Variants in CTNNA1 observed in about 807,000 individuals in gnomAD.
CTNNA1 encodes the protein catenin alpha-1.
In CTNNA1, 37 loss-of-function variants were observed where a neutral mutation model predicts 98.4. The ratio of observed to expected loss-of-function variants is 0.38; its 90% confidence interval spans 0.29 to 0.49. The LOEUF (loss-of-function observed/expected upper bound fraction) is 0.49. Ranked by LOEUF, CTNNA1 falls within the 20% of genes least tolerant of loss-of-function variation. The pLI, the probability that CTNNA1 is intolerant of heterozygous loss-of-function variation, is 0.95. For missense variants in CTNNA1, 761 were observed against 1,147.2 expected (o/e 0.66, Z 4.86); for synonymous variants, 404 against 413.2 (o/e 0.98, Z 0.27).
chr5:138,818,198 C>T (rs573065572), intron 5 of CTNNA1, among the ~76,000 whole-genome samples: 115 of 148,774 alleles, frequency 7.7e-4, no homozygotes, highest in African/African-American at 2.6e-3. Flanking sequence ...GGCATTTTCT[C>T]GGCAGTCTCA....
intron 16 of CTNNA1, chr5:138,932,058 C>T (rs1338833276): frequency 3.1e-6 from 3 of 982,446 alleles, no homozygotes; most frequent in African/African-American, 1.8e-5. Context: ...TTACTTTACT[C>T]ACTTGTCTTC....
intron 9 of CTNNA1, among the ~76,000 whole-genome samples, chr5:138,894,597 C>G (rs1465714647): frequency 2.0e-5 from 3 of 152,104 alleles, no homozygotes; most frequent in African/African-American, 4.8e-5. Context: ...GGCCACCTCC[C>G]TAGTCTGCAC....
intron 11 of CTNNA1, among the ~76,000 whole-genome samples, chr5:138,920,647 C>G (rs1242248657): frequency 1.3e-5 from 2 of 152,208 alleles, no homozygotes; most frequent in African/African-American, 4.8e-5. Flanking sequence ...CCCTTTGGTA[C>G]AGAGTGAGAG....
At chr5:138,759,859 A>G (rs945344321) in intron 1 of CTNNA1, among the ~76,000 whole-genome samples, 1 of 152,008 alleles carries the variant, frequency 6.6e-6, no homozygotes, top group Admixed American at 6.6e-5. Context: ...GCTTTCTTCA[A>G]CAGTCCCCAG....
chr5:138,783,206 AGGGCCC>A lies in CTNNA1; in HGVS notation c.136_141del (p.Gly46_Pro47del). On this transcript the variant is annotated inframe_deletion, in exon 3 of 18. Transcript: ENST00000302763. ...CAACCCTTGTAAACACCAATAGTAA[AGGGCCC>A]TCTAATAAGAAGAGAGGTCGTTCTA... 4 of 1,613,322 alleles carry A rather than the reference AGGGCCC, an allele frequency of 2.5e-6. No homozygotes were observed. Among genetic ancestry groups the A allele is most frequent in the Non-Finnish European group, 3.4e-6 (4 of 1,179,526 alleles).
At chr5:138,879,483 A>T (rs528683732) in intron 7 of CTNNA1, among the ~76,000 whole-genome samples, 14 of 150,574 alleles carry the variant, frequency 9.3e-5, no homozygotes, top group East Asian at 1.9e-4. Flanking sequence ...GTTTTTTTTT[A>T]AAAAGACAGT....
chr5:138,812,171 C>T lies in CTNNA1; in HGVS notation c.469-12C>T. On this transcript the variant is annotated splice_polypyrimidine_tract_variant and intron_variant, in intron 4 of 17. Transcript: ENST00000302763. Reference sequence around the variant, plus strand: ...AGAATTTTTGGGTTTTGGGGTCTTTCTTATTTTATAGGTGGAAGATGGTAT... The same window carrying T: ...AGAATTTTTGGGTTTTGGGGTCTTTTTTATTTTATAGGTGGAAGATGGTAT... 1 of 1,608,580 alleles carries T rather than the reference C, an allele frequency of 6.2e-7. No homozygotes were observed. The highest frequency in any genetic ancestry group is 8.5e-7 in the Non-Finnish European group (1 of 1,178,394).
chr5:138,834,414 TG>T (rs1761577386), intron 7 of CTNNA1, among the ~76,000 whole-genome samples: 1 of 152,206 alleles, frequency 6.6e-6, no homozygotes, highest in Non-Finnish European at 1.5e-5. Context: ...TAGTAATGAT[TG>T]TCCATACTTT....
At chr5:138,933,586 C>T (rs569169976) in intron 17 of CTNNA1, among the ~76,000 whole-genome samples, 29 of 152,306 alleles carry the variant, frequency 1.9e-4, no homozygotes, top group Middle Eastern at 3.4e-3. Context: ...CTCATGTCTT[C>T]TCCAAAGGGT....
rs202002034 is a variant in CTNNA1, at chr5:138,873,611, G to A, written c.1063-12601G>A. ...CCAGGAGGCCAGAGCACATATTCGGGCGCTGCATTCCCACAGATTGCCAGA... is the reference window on the plus strand; with the variant it reads ...CCAGGAGGCCAGAGCACATATTCGGACGCTGCATTCCCACAGATTGCCAGA... On this transcript the variant is annotated intron_variant, in intron 7 of 17. Transcript: ENST00000302763. The surrounding 1 kb of genome is among the most constrained non-coding windows in gnomAD (Gnocchi z 6.1). The A allele has an allele frequency of 1.4e-4, 232 of 1,613,900 alleles. No homozygotes were observed. The highest frequency in any genetic ancestry group is 8.2e-4 in the Middle Eastern group (5 of 6,084).
chr5:138,820,224 G>A (rs563216521), intron 5 of CTNNA1, among the ~76,000 whole-genome samples: 6 of 151,956 alleles, frequency 3.9e-5, no homozygotes, highest in Non-Finnish European at 8.8e-5. Context: ...GCAGCTTGGG[G>A]ATGTCTGGCC....
intron 7 of CTNNA1, among the ~76,000 whole-genome samples, chr5:138,832,455 CT>C (rs1297770038): frequency 4.6e-5 from 7 of 152,110 alleles, no homozygotes; most frequent in Non-Finnish European, 7.4e-5. Context: ...CTCTGTCAGC[CT>C]AAAGTTGCTT....
chr5:138,757,122 T>C (rs1751750577), intron 1 of CTNNA1, among the ~76,000 whole-genome samples: 1 of 151,510 alleles, frequency 6.6e-6, no homozygotes, highest in Non-Finnish European at 1.5e-5. Flanking sequence ...TTGCTTGAGC[T>C]TGGGAGGTGG....
At chr5:138,773,511 C>T (rs1753768297) in intron 1 of CTNNA1, among the ~76,000 whole-genome samples, 1 of 152,176 alleles carries the variant, frequency 6.6e-6, no homozygotes, top group Non-Finnish European at 1.5e-5. Flanking sequence ...AAAACAAAAA[C>T]AAGCTCCTTG....
In CTNNA1 at chr5:138,873,224, T is replaced by C. The variant is rs1750857125; in HGVS notation, c.1063-12988T>C. On this transcript the variant is annotated intron_variant, in intron 7 of 17. Coordinates refer to ENST00000302763, the MANE Select transcript of CTNNA1 (RefSeq NM_001903.5). The surrounding 1 kb of genome is among the most constrained non-coding windows in gnomAD (Gnocchi z 6.1). The stretch of plus-strand genomic sequence containing the variant: ...TCTTCTTAAAGTGGGAGGGCAGCAC[T>C]TCCTGGAGATGAACACTATAAAAAT... The C allele has an allele frequency of 6.2e-7, 1 of 1,612,894 alleles. No individual in the cohort carries two copies. The highest frequency in any genetic ancestry group is 1.7e-5 in the Admixed American group (1 of 59,970).
chr5:138,779,366 G>C (rs1754776732), intron 1 of CTNNA1, among the ~76,000 whole-genome samples: 1 of 152,134 alleles, frequency 6.6e-6, no homozygotes, highest in African/African-American at 2.4e-5. Flanking sequence ...TTTAGTTACA[G>C]ACAGTTACAG....
intron 3 of CTNNA1, among the ~76,000 whole-genome samples, chr5:138,802,782 T>G (rs1345485946): frequency 6.6e-6 from 1 of 152,190 alleles, no homozygotes; most frequent in East Asian, 1.9e-4. Context: ...TATTCTCTAT[T>G]ATACTGGTTA....
chr5:138,856,010 A>G (rs888267429), intron 7 of CTNNA1, among the ~76,000 whole-genome samples: 2 of 152,224 alleles, frequency 1.3e-5, no homozygotes, highest in Admixed American at 6.5e-5. Context: ...AATTTTGGGT[A>G]GAGAATGAAG....
intron 5 of CTNNA1, among the ~76,000 whole-genome samples, chr5:138,821,123 C>G (rs560694951): frequency 1.3e-5 from 2 of 152,314 alleles, no homozygotes; most frequent in African/African-American, 4.8e-5. Context: ...CAGTTACTTT[C>G]TAATTAAGTG....
Sources: allele counts gnomAD v4.1 joint callset (sites outside exome capture counted in the v4.1 genomes callset), GRCh38; gene constraint gnomAD v4.1.1; non-coding constraint Gnocchi (gnomAD v3.1); transcripts MANE v1.5; gene names NCBI Gene and HGNC (gene_info 2026-07-23, HGNC 2026-07-21).